Variants in CSMD3 observed in about 807,000 individuals in gnomAD.
CSMD3 encodes CUB and sushi domain-containing protein 3.
A neutral mutation model predicts 435.2 loss-of-function variants in CSMD3; 177 were observed. The observed-to-expected ratio is 0.41, with a 90% CI of 0.36 to 0.46. The LOEUF (loss-of-function observed/expected upper bound fraction) is 0.46, where lower values mean the gene tolerates loss of function less well. Ranked by LOEUF, CSMD3 falls within the 20% of genes least tolerant of loss-of-function variation. The pLI, the probability that CSMD3 is intolerant of heterozygous loss-of-function variation, is 0.34. For missense variants in CSMD3, 4,265 were observed against 4,504.6 expected, an observed-to-expected ratio of 0.95 and a Z score of 1.52; for synonymous variants, 1,656 against 1,520.5, an observed-to-expected ratio of 1.09 and a Z score of -2.07.
chr8:112,363,985 T>C (rs1827510220), intron 38 of CSMD3, among the ~76,000 whole-genome samples: 1 of 152,022 alleles, frequency 6.6e-6, no homozygotes. Context: ...ACAGTTAATC[T>C]TAAAATCCCT....
chr8:112,464,675 A>G (rs1489000694), intron 32 of CSMD3, among the ~76,000 whole-genome samples: 1 of 152,146 alleles, frequency 6.6e-6, no homozygotes, highest in Non-Finnish European at 1.5e-5. Context: ...TTATAATGTA[A>G]AAATATGAAA....
At chr8:113,273,826 T>A (rs2093548955) in intron 3 of CSMD3, among the ~76,000 whole-genome samples, 1 of 152,146 alleles carries the variant, frequency 6.6e-6, no homozygotes, top group South Asian at 2.1e-4. Context: ...GTATTTAGGA[T>A]AAACTATCAG....
chr8:113,079,582 T>C (rs2089474000), intron 5 of CSMD3, among the ~76,000 whole-genome samples: 1 of 152,076 alleles, frequency 6.6e-6, no homozygotes, highest in Non-Finnish European at 1.5e-5. Context: ...AATGAAGACT[T>C]TTTGAGTGCT....
chr8:112,549,231 A>G (rs142886639), intron 27 of CSMD3, among the ~76,000 whole-genome samples: 2 of 152,200 alleles, frequency 1.3e-5, no homozygotes, highest in East Asian at 1.9e-4. Flanking sequence ...CCGCTCTCTG[A>G]CAAATTGTTC....
At chr8:112,336,942 T>C (rs1314921535) in intron 43 of CSMD3, 113 bp from the exon 44 acceptor site, 2 of 872,614 alleles carry the variant, frequency 2.3e-6, no homozygotes, top group East Asian at 2.6e-5. Flanking sequence ...ATTTATGCCT[T>C]GTTTTTACTT....
At chr8:112,951,018 C>G (rs1744388615) in intron 8 of CSMD3, among the ~76,000 whole-genome samples, 1 of 151,736 alleles carries the variant, frequency 6.6e-6, no homozygotes, top group Non-Finnish European at 1.5e-5. Context: ...GAAAAACTTT[C>G]CAATTTAAAA....
intron 35 of CSMD3, among the ~76,000 whole-genome samples, chr8:112,392,864 C>CTT (rs56809581): frequency 0.053 from 6,518 of 122,100 alleles, 269 homozygotes; most frequent in East Asian, 0.11. Context: ...TCTTTTTTTT[C>CTT]TTTTTTTTTT....
At chr8:112,982,924 T>A (rs143721162) in intron 6 of CSMD3, among the ~76,000 whole-genome samples, 2 of 152,118 alleles carry the variant, frequency 1.3e-5, no homozygotes, top group African/African-American at 4.8e-5. Flanking sequence ...AACACACTTA[T>A]AACATACTTT....
At chr8:112,522,418 A>T (rs1334985896) in intron 27 of CSMD3, among the ~76,000 whole-genome samples, 1 of 151,906 alleles carries the variant, frequency 6.6e-6, no homozygotes, top group Non-Finnish European at 1.5e-5. Context: ...TTCTTCACTG[A>T]TCTAAATCCA....
intron 13 of CSMD3, among the ~76,000 whole-genome samples, chr8:112,772,090 C>T (rs1168622054): frequency 6.6e-6 from 1 of 151,708 alleles, no homozygotes; most frequent in African/African-American, 2.4e-5. Context: ...ATGACAAAGT[C>T]ATATCAGAAA....
At chr8:113,316,279 T>C (rs1238965561) in intron 1 of CSMD3, among the ~76,000 whole-genome samples, 1 of 152,120 alleles carries the variant, frequency 6.6e-6, no homozygotes, top group African/African-American at 2.4e-5. Flanking sequence ...GGGAGAGAAG[T>C]CGATACTACC....
chr8:113,062,267 T>C (rs1455374235), intron 5 of CSMD3, among the ~76,000 whole-genome samples: 2 of 151,890 alleles, frequency 1.3e-5, no homozygotes, highest in African/African-American at 2.4e-5. Context: ...AGTATCCCAA[T>C]AAGCCTAAGA....
intron 10 of CSMD3, among the ~76,000 whole-genome samples, chr8:112,906,843 G>T (rs978033788): frequency 6.6e-6 from 1 of 151,264 alleles, no homozygotes; most frequent in Non-Finnish European, 1.5e-5. Flanking sequence ...ACAACCATAG[G>T]GTTTGCACAT....
chr8:112,235,348 C>A (rs1358104608), intron 67 of CSMD3, among the ~76,000 whole-genome samples: 3 of 152,002 alleles, frequency 2.0e-5, no homozygotes, highest in Non-Finnish European at 4.4e-5. Context: ...GGCACCACTG[C>A]ACTCCAGACT....
rs1378084295 is a variant in CSMD3, at chr8:112,481,239, AAAG to A, written c.5279-8535_5279-8533del. Among the ~76,000 whole-genome samples the A allele has an allele frequency of 6.6e-5, 10 of 152,316 alleles. No individual in the cohort carries two copies. The East Asian group carries it at 1.9e-3, about 29-fold the overall frequency. On this transcript the variant is annotated intron_variant, in intron 31 of 70. Transcript: ENST00000297405. ...GAGGAGGAGGAGGAGCAGAAGAAGA[AAAG>A]AAGAAACTTATCACTGAGTGAATTA...
chr8:112,260,367 T>C (rs1214954278), intron 61 of CSMD3, among the ~76,000 whole-genome samples: 1 of 152,166 alleles, frequency 6.6e-6, no homozygotes, highest in East Asian at 1.9e-4. Context: ...TTTTCCCTTC[T>C]GAGTTTAAGT....
chr8:113,409,227 TG>T (rs2094547280), intron 1 of CSMD3, among the ~76,000 whole-genome samples: 5 of 151,494 alleles, frequency 3.3e-5, no homozygotes, highest in African/African-American at 1.2e-4. Context: ...GGATTACAGG[TG>T]CATACCAGCA....
chr8:113,360,770 T>A (rs1251197301), intron 1 of CSMD3, among the ~76,000 whole-genome samples: 1 of 151,830 alleles, frequency 6.6e-6, no homozygotes, highest in Non-Finnish European at 1.5e-5. Flanking sequence ...AGACGGGGTT[T>A]CACCTTGTTA....
chr8:112,292,383 A>G (rs1819849511), intron 55 of CSMD3, among the ~76,000 whole-genome samples, 154 bp downstream of exon 55: 1 of 152,188 alleles, frequency 6.6e-6, no homozygotes, highest in Non-Finnish European at 1.5e-5. Context: ...GAAAAAGGAA[A>G]GCATTGTTAA....
Sources: allele counts gnomAD v4.1 joint callset (sites outside exome capture counted in the v4.1 genomes callset), GRCh38; gene constraint gnomAD v4.1.1; transcripts MANE v1.5; gene names NCBI Gene and HGNC (gene_info 2026-07-23, HGNC 2026-07-21).